DLGAP2: variants seen among roughly 807,000 people sequenced by gnomAD.
DLGAP2 encodes DLG associated protein 2.
A neutral mutation model predicts 100.3 loss-of-function variants in DLGAP2; 26 were observed. That is an observed-to-expected ratio of 0.26 (90% confidence interval 0.19 to 0.36). DLGAP2 has a LOEUF of 0.36. Among genes scored for constraint, DLGAP2 ranks in the 10% least tolerant of loss-of-function variants. The pLI, the probability that DLGAP2 is intolerant of heterozygous loss-of-function variation, is 1.00. For synonymous variants in DLGAP2, 886 were observed against 630.1 expected (o/e 1.41, Z -6.08); for missense variants, 1,858 against 1,453.2 (o/e 1.28, Z -4.53).
At chr8:786,036 C>A (rs1383225577) in intron 1 of DLGAP2, among the ~76,000 whole-genome samples, 1 of 152,220 alleles carries the variant, frequency 6.6e-6, no homozygotes, top group African/African-American at 2.4e-5. Flanking sequence ...CAGAGAGCTT[C>A]GTCAGGAATG....
At chr8:1,543,641 AT>A (rs1801436966) in intron 4 of DLGAP2, among the ~76,000 whole-genome samples, 1 of 152,042 alleles carries the variant, frequency 6.6e-6, no homozygotes, top group Non-Finnish European at 1.5e-5. Context: ...CTCTTTCAAG[AT>A]TGTTTTTGCT....
intron 1 of DLGAP2, among the ~76,000 whole-genome samples, chr8:829,985 T>A (rs992195463): frequency 3.3e-5 from 5 of 152,214 alleles, no homozygotes; most frequent in African/African-American, 1.2e-4. Context: ...TTACCTCTAT[T>A]TGAGTACTTA....
intron 1 of DLGAP2, among the ~76,000 whole-genome samples, chr8:825,918 A>C (rs1258719663): frequency 2.0e-5 from 3 of 152,264 alleles, no homozygotes; most frequent in Admixed American, 2.0e-4. Flanking sequence ...CTGATGTGGC[A>C]TCAAATACTA....
intron 2 of DLGAP2, among the ~76,000 whole-genome samples, chr8:1,213,450 C>T (rs894809639): frequency 2.6e-5 from 4 of 152,118 alleles, no homozygotes; most frequent in Non-Finnish European, 5.9e-5. Context: ...TCCTTAATGT[C>T]CTTAATGTCC....
At chr8:909,299 A>T (rs1445220750) in intron 2 of DLGAP2, among the ~76,000 whole-genome samples, 1 of 152,354 alleles carries the variant, frequency 6.6e-6, no homozygotes, top group South Asian at 2.1e-4. Context: ...AACTGTGTCC[A>T]TCAAAGTCAG....
Position 1,314,052 on chromosome 8 carries a change from G to A in DLGAP2, c.106+55169G>A, listed in dbSNP as rs141102347. 5.3e-5 allele frequency among the ~76,000 whole-genome samples: 8 copies of A among 152,248 alleles called. No homozygotes were observed. The East Asian group carries it at 1.3e-3, about 26-fold the overall frequency. On this transcript the variant is annotated intron_variant, in intron 3 of 14. Transcript: ENST00000637795. ...TGCTTTAGAATTCGTAGCAACACAC[G>A]CTTTTCAGTTATCCACTGTAAATGA...
intron 2 of DLGAP2, among the ~76,000 whole-genome samples, chr8:1,151,080 T>C (rs753794292): frequency 7.9e-5 from 12 of 152,232 alleles, no homozygotes; most frequent in Non-Finnish European, 1.8e-4. Context: ...TGTTAACATT[T>C]TGATATTTCA....
chr8:1,095,945 A>G (rs564759535), intron 2 of DLGAP2, among the ~76,000 whole-genome samples: 2 of 152,346 alleles, frequency 1.3e-5, no homozygotes, highest in South Asian at 4.1e-4. Flanking sequence ...CACCAAAACT[A>G]TCTAACAATT....
chr8:1,526,282 A>ACAGCGCCT (rs1267235411), intron 4 of DLGAP2, among the ~76,000 whole-genome samples: 1 of 151,666 alleles, frequency 6.6e-6, no homozygotes, highest in African/African-American at 2.4e-5. Context: ...CTGCTCTGTG[A>ACAGCGCCT]CAGCGCCTCA....
chr8:1,210,154 C>A (rs1408524891), intron 2 of DLGAP2, among the ~76,000 whole-genome samples: 1 of 152,236 alleles, frequency 6.6e-6, no homozygotes, highest in South Asian at 2.1e-4. Flanking sequence ...ACGTCACCCC[C>A]CAGGTTCCAG....
At chr8:864,777 C>T (rs1247754961) in intron 1 of DLGAP2, among the ~76,000 whole-genome samples, 2 of 151,766 alleles carry the variant, frequency 1.3e-5, no homozygotes, top group South Asian at 2.1e-4. Context: ...CAGGGTCCTG[C>T]GTTAACACTG....
At chr8:1,554,785 C>T (rs934649579) in intron 5 of DLGAP2, among the ~76,000 whole-genome samples, 9 of 151,854 alleles carry the variant, frequency 5.9e-5, no homozygotes, top group Admixed American at 2.0e-4. Flanking sequence ...CCCTCCCCCG[C>T]GCCCACCACC....
intron 3 of DLGAP2, among the ~76,000 whole-genome samples, chr8:1,261,579 G>A (rs1418808649): frequency 1.3e-5 from 2 of 150,372 alleles, no homozygotes; most frequent in Non-Finnish European, 3.0e-5. Context: ...GGGCTGGGCA[G>A]TGGGGGGTGG....
chr8:1,466,349 C>T (rs960809058), intron 3 of DLGAP2, among the ~76,000 whole-genome samples: 14 of 152,196 alleles, frequency 9.2e-5, no homozygotes, highest in African/African-American at 2.6e-4. Context: ...CATCCTCAGC[C>T]GTGGCTGCCG....
intron 3 of DLGAP2, among the ~76,000 whole-genome samples, chr8:1,266,630 C>G (rs1799456274): frequency 6.6e-6 from 1 of 152,204 alleles, no homozygotes; most frequent in Non-Finnish European, 1.5e-5. Flanking sequence ...TATGCACCCT[C>G]TGTTCTCAGT....
intron 5 of DLGAP2, among the ~76,000 whole-genome samples, chr8:1,556,639 C>T (rs911604726): frequency 2.6e-5 from 4 of 152,120 alleles, no homozygotes; most frequent in African/African-American, 7.2e-5. Context: ...GAGCTCAGGC[C>T]GGTGAACTGC....
chr8:974,780 T>C (rs182411614), intron 2 of DLGAP2, among the ~76,000 whole-genome samples: 2 of 152,316 alleles, frequency 1.3e-5, no homozygotes, highest in East Asian at 3.9e-4. Context: ...TACCATTGAA[T>C]ACATATTTAG....
chr8:1,494,703 G>A (rs1332391841), intron 3 of DLGAP2, among the ~76,000 whole-genome samples: 1 of 151,910 alleles, frequency 6.6e-6, no homozygotes, highest in Non-Finnish European at 1.5e-5. Context: ...ACTCCAGCCT[G>A]GGCAACAGAC....
intron 1 of DLGAP2, among the ~76,000 whole-genome samples, chr8:749,286 T>C (rs1216414478): frequency 6.6e-6 from 1 of 152,256 alleles, no homozygotes; most frequent in Non-Finnish European, 1.5e-5. Context: ...CCATTGCACC[T>C]GGCCTTCTTT....
Sources: gnomAD v4.1 joint callset for allele counts (sites outside exome capture counted in the v4.1 genomes callset) on GRCh38, gnomAD v4.1.1 for gene constraint, MANE v1.5 for transcripts, NCBI Gene and HGNC (gene_info 2026-07-23, HGNC 2026-07-21) for gene names.